NFIB: variants seen among roughly 807,000 people sequenced by gnomAD.
NFIB encodes nuclear factor I B, also known as nuclear factor 1 B-type.
In NFIB, 11 loss-of-function variants were observed where a neutral mutation model predicts 61.5. That is an observed-to-expected ratio of 0.18 (90% confidence interval 0.11 to 0.30). The LOEUF (loss-of-function observed/expected upper bound fraction) is 0.30, where lower values mean the gene tolerates loss of function less well. Ranked by LOEUF, NFIB falls within the 10% of genes least tolerant of loss-of-function variation. The probability of loss-of-function intolerance (pLI) is 1.00; values close to 1 mark genes in which losing one functional copy is unlikely to be tolerated. For synonymous variants in NFIB, 260 were observed against 216.5 expected (o/e 1.20, Z -1.76); for missense variants, 471 against 608.9 (o/e 0.77, Z 2.38).
intron 6 of NFIB, among the ~76,000 whole-genome samples, chr9:14,139,047 G>C (rs1563825284): frequency 6.6e-6 from 1 of 152,066 alleles, no homozygotes; most frequent in Non-Finnish European, 1.5e-5. Flanking sequence ...AGCTTTCCAA[G>C]AAAAGTGTCC....
the NFIB span, among the ~76,000 whole-genome samples, chr9:14,436,284 G>A: frequency 6.6e-6 from 1 of 152,222 alleles, no homozygotes. Context: ...GCAGAGAGCT[G>A]GAAATCTTAG....
At chr9:14,208,925 C>T (rs936493798) in intron 2 of NFIB, among the ~76,000 whole-genome samples, 1 of 152,062 alleles carries the variant, frequency 6.6e-6, no homozygotes, top group Non-Finnish European at 1.5e-5. Flanking sequence ...TGCAACACCC[C>T]ACCCATAAGG....
the NFIB span, among the ~76,000 whole-genome samples, chr9:14,457,607 G>C: frequency 6.7e-6 from 1 of 149,980 alleles, no homozygotes; most frequent in Non-Finnish European, 1.5e-5. Context: ...CAACAAAATT[G>C]ATAGACCCCT....
At chr9:14,416,581 T>A in the NFIB span, among the ~76,000 whole-genome samples, 6 of 151,358 alleles carry the variant, frequency 4.0e-5, no homozygotes, top group East Asian at 3.9e-4. Context: ...AAAGAAAAAA[T>A]TTTTTACAGC....
rs572182604 is a variant in NFIB at position 14,134,662 on chromosome 9, C to T, written c.926-8896G>A. On this transcript the variant is annotated intron_variant, in intron 6 of 10. Transcript: ENST00000380953. ...ATCCCAGCACTTTGGGAGGCCGAGG[C>T]GGGTGGATCAAGTCACCTGAGGTCA... Among the ~76,000 whole-genome samples, 64 of 152,086 alleles carry T rather than the reference C, an allele frequency of 4.2e-4. 1 individual carries two copies. Among genetic ancestry groups the T allele is most frequent in the Admixed American group, 3.8e-3 (58 of 15,270 alleles).
the NFIB span, among the ~76,000 whole-genome samples, chr9:14,413,789 A>G: frequency 1.3e-5 from 2 of 152,206 alleles, no homozygotes; most frequent in African/African-American, 2.4e-5. Flanking sequence ...TAAGACAGCC[A>G]CAAAATGGTC....
At chr9:14,422,588 A>G in the NFIB span, among the ~76,000 whole-genome samples, 1 of 152,178 alleles carries the variant, frequency 6.6e-6, no homozygotes, top group East Asian at 1.9e-4. Flanking sequence ...ATAAAACCCA[A>G]CCTTGAAAAG....
the NFIB span, among the ~76,000 whole-genome samples, chr9:14,447,879 G>A: frequency 1.3e-5 from 2 of 151,996 alleles, no homozygotes; most frequent in Non-Finnish European, 2.9e-5. Context: ...TTCATTGATC[G>A]ATTTAAGATG....
chr9:14,350,513 G>GT lies in NFIB; in HGVS notation c.109-42994dup, dbSNP rs985857917. 2.1e-5 allele frequency among the ~76,000 whole-genome samples: 3 copies of GT among 143,958 alleles called. No homozygotes were observed. The South Asian group carries it at 6.7e-4, about 32-fold the overall frequency. 94.4% of individuals were successfully genotyped at this position (143,958 alleles called of 152,430 possible). A position where few individuals can be genotyped will look rare whatever the true frequency, so the allele number is the denominator to read the frequency against. Reference sequence around the variant, plus strand: ...CTATAGGGCGAAAGACCTGGGTGGGGTGGGGGGGGAAGTTGGGGGTCTTCT... The same window carrying GT: ...CTATAGGGCGAAAGACCTGGGTGGGGTTGGGGGGGGAAGTTGGGGGTCTTCT... On this transcript the variant is annotated intron_variant, in intron 1 of 8. Coordinates refer to the NFIB transcript ENST00000380934.
chr9:14,340,970 ATACT>A (rs554922385), intron 1 of NFIB, among the ~76,000 whole-genome samples: 436 of 152,234 alleles, frequency 2.9e-3, no homozygotes, highest in Non-Finnish European at 4.4e-3. Flanking sequence ...TTATACGTTA[ATACT>A]CGTTGTACCC....
At chr9:14,173,406 A>T (rs1203727118) in intron 3 of NFIB, among the ~76,000 whole-genome samples, 1 of 152,184 alleles carries the variant, frequency 6.6e-6, no homozygotes, top group Admixed American at 6.5e-5. Flanking sequence ...TTTAGTCTTT[A>T]TCTTAAATAT....
the NFIB span, among the ~76,000 whole-genome samples, chr9:14,467,460 G>A: frequency 1.3e-5 from 2 of 152,108 alleles, no homozygotes; most frequent in African/African-American, 4.8e-5. Context: ...GATGAAAATA[G>A]GCTTAGGGCT....
intron 3 of NFIB, among the ~76,000 whole-genome samples, chr9:14,171,530 G>A (rs1038306479): frequency 6.6e-5 from 10 of 152,156 alleles, no homozygotes; most frequent in African/African-American, 2.4e-4. Context: ...AATGGTAACT[G>A]AGAGGTAAAA....
At chr9:14,141,478 T>C (rs1468817243) in intron 6 of NFIB, among the ~76,000 whole-genome samples, 1 of 152,170 alleles carries the variant, frequency 6.6e-6, no homozygotes, top group East Asian at 1.9e-4. Flanking sequence ...AAAACTAAGC[T>C]AGCTCTAAAG....
At chr9:14,271,913 G>C (rs183418878) in intron 2 of NFIB, among the ~76,000 whole-genome samples, 1 of 152,092 alleles carries the variant, frequency 6.6e-6, no homozygotes, top group South Asian at 2.1e-4. Context: ...AGGTACAAAA[G>C]AATATTTTAA....
chr9:14,172,375 G>C (rs537442293), intron 3 of NFIB, among the ~76,000 whole-genome samples: 1 of 152,178 alleles, frequency 6.6e-6, no homozygotes, highest in African/African-American at 2.4e-5. Context: ...GTAAAGGACA[G>C]ACAGAAGTTT....
At chr9:14,157,376 G>C (rs575076213) in intron 3 of NFIB, among the ~76,000 whole-genome samples, 55 of 152,282 alleles carry the variant, frequency 3.6e-4, no homozygotes, top group Non-Finnish European at 6.8e-4. Context: ...GCTGTGAACT[G>C]AGGAGCCACT....
At chr9:14,392,532 G>A (rs1588415537) in intron 1 of NFIB, among the ~76,000 whole-genome samples, 2 of 152,066 alleles carry the variant, frequency 1.3e-5, no homozygotes, top group African/African-American at 2.4e-5. Context: ...GTTTGAGACC[G>A]ACCTGGGCAA....
At chr9:14,162,647 T>C (rs1438481661) in intron 3 of NFIB, among the ~76,000 whole-genome samples, 2 of 152,114 alleles carry the variant, frequency 1.3e-5, no homozygotes, top group African/African-American at 4.8e-5. Context: ...AAACAAAATA[T>C]TATTTCATAA....
Sources: gnomAD v4.1 joint callset for allele counts (sites outside exome capture counted in the v4.1 genomes callset) on GRCh38, gnomAD v4.1.1 for gene constraint, MANE v1.5 for transcripts, NCBI Gene and HGNC (gene_info 2026-07-23, HGNC 2026-07-21) for gene names.